Variants in NAALADL2 observed in about 807,000 individuals in gnomAD.
NAALADL2 encodes the protein inactive N-acetylated-alpha-linked acidic dipeptidase-like protein 2.
A neutral mutation model predicts 87.2 loss-of-function variants in NAALADL2; 76 were observed. The ratio of observed to expected loss-of-function variants is 0.87; its 90% CI spans 0.72 to 1.05. NAALADL2 has a LOEUF of 1.05. Among genes scored for constraint, NAALADL2 ranks in the 50% least tolerant of loss-of-function variants. NAALADL2 has a pLI of 0.00. For synonymous variants in NAALADL2, 354 were observed against 331.0 expected (o/e 1.07, Z -0.75); for missense variants, 1,089 against 945.8 (o/e 1.15, Z -1.99).
intron 2 of NAALADL2, among the ~76,000 whole-genome samples, chr3:175,216,776 C>T (rs552562616): frequency 1.1e-4 from 15 of 140,638 alleles, no homozygotes; most frequent in African/African-American, 4.1e-4. Context: ...TCAAACAATT[C>T]TCCTGCCTCA....
intron 2 of NAALADL2, among the ~76,000 whole-genome samples, chr3:175,140,723 A>G (rs891952620): frequency 2.0e-5 from 3 of 152,160 alleles, no homozygotes; most frequent in Admixed American, 1.3e-4. Flanking sequence ...GGTCCTCGCT[A>G]CAAAAGGGAA....
intron 2 of NAALADL2, among the ~76,000 whole-genome samples, chr3:175,115,526 C>G (rs1332213429): frequency 6.6e-6 from 1 of 151,494 alleles, no homozygotes; most frequent in South Asian, 2.1e-4. Flanking sequence ...TACTTTCTTA[C>G]CCAATTTACA....
chr3:174,887,394 T>C (rs1730300213), intron 1 of NAALADL2, among the ~76,000 whole-genome samples: 1 of 152,212 alleles, frequency 6.6e-6, no homozygotes, highest in Non-Finnish European at 1.5e-5. Context: ...ATCAATTATA[T>C]ATGTTCTGTT....
intron 1 of NAALADL2, among the ~76,000 whole-genome samples, chr3:174,975,630 A>G (rs1744262048): frequency 6.6e-6 from 1 of 152,178 alleles, no homozygotes. Flanking sequence ...ATTATTGTGT[A>G]TAACAAATGG....
intron 13 of NAALADL2, among the ~76,000 whole-genome samples, chr3:175,802,502 A>T (rs1242479360): frequency 6.7e-6 from 1 of 148,532 alleles, no homozygotes; most frequent in Admixed American, 6.6e-5. Flanking sequence ...TCTAGCCAGA[A>T]TAGTGAGAGG....
At position 175,044,842 on chromosome 3, in the gene NAALADL2, G is replaced by A. The variant is rs752618550; in HGVS notation, c.44-51948G>A. Among the ~76,000 whole-genome samples the A allele has an allele frequency of 1.1e-4, 17 of 151,674 alleles. No homozygotes were observed. The East Asian group carries it at 1.2e-3, about 10-fold the overall frequency. ...TCAGTTGTTACTGCTTCTTATCACC[G>A]ACATTACTCTCTTTATTATATTTTT... On this transcript the variant is annotated intron_variant, in intron 1 of 13. Transcript: ENST00000454872.
intron 1 of NAALADL2, among the ~76,000 whole-genome samples, chr3:175,026,185 T>C (rs75324646): frequency 6.6e-6 from 1 of 152,158 alleles, no homozygotes; most frequent in Non-Finnish European, 1.5e-5. Context: ...AAGTGCTAGA[T>C]TCTATGGATT....
rs148115407 is a variant in NAALADL2 at position 175,437,764 on chromosome 3, T to A, written c.1091-9465T>A. 1.9e-3 allele frequency among the ~76,000 whole-genome samples: 287 copies of A among 152,196 alleles called. 2 individuals are homozygous for A. The highest frequency in any genetic ancestry group is 5.7e-3 in the African/African-American group (236 of 41,534). On this transcript the variant is annotated intron_variant, in intron 5 of 13. Transcript: ENST00000454872. ...GTACCAAAACAGAGATATAGATCAATGTGTAGTACTTTTTAAAAAGTAAAA... is the reference window on the plus strand; with the variant it reads ...GTACCAAAACAGAGATATAGATCAAAGTGTAGTACTTTTTAAAAAGTAAAA...
At chr3:174,445,210 C>T (rs1001163732) in intron 1 of NAALADL2, among the ~76,000 whole-genome samples, 27 of 151,936 alleles carry the variant, frequency 1.8e-4, no homozygotes, top group African/African-American at 6.5e-4. Context: ...TGATAAATGC[C>T]TTATGAAGAG....
chr3:174,928,723 A>G (rs1560376632), intron 1 of NAALADL2, among the ~76,000 whole-genome samples: 1 of 152,232 alleles, frequency 6.6e-6, no homozygotes, highest in Non-Finnish European at 1.5e-5. Flanking sequence ...GTTAAATTAC[A>G]GTATTCATAG....
intron 1 of NAALADL2, among the ~76,000 whole-genome samples, chr3:174,477,938 A>G (rs1717310149): frequency 6.6e-6 from 1 of 152,196 alleles, no homozygotes; most frequent in African/African-American, 2.4e-5. Flanking sequence ...AAGTTGTTTC[A>G]TAGATTAATG....
At chr3:175,721,761 G>A (rs910775996) in intron 11 of NAALADL2, among the ~76,000 whole-genome samples, 1 of 152,026 alleles carries the variant, frequency 6.6e-6, no homozygotes, top group Non-Finnish European at 1.5e-5. Context: ...TATAATATAA[G>A]AGCTGGGATG....
Position 174,666,084 on chromosome 3 carries a change from A to G in NAALADL2, c.-114-71557A>G, listed in dbSNP as rs554994279. Among the ~76,000 whole-genome samples, 3 of 152,288 alleles carry G rather than the reference A, an allele frequency of 2.0e-5. No individual in the cohort carries two copies. In the South Asian group the frequency reaches 6.2e-4, roughly 32 times the overall value. On this transcript the variant is annotated intron_variant, in intron 2 of 3. Coordinates refer to the NAALADL2 transcript ENST00000434257. Reference sequence around the variant, plus strand: ...AGGTACCTAGGGTTAGGATGTCAACATATCATTTTTTGGGGTATAGTTTAT... The same window carrying G: ...AGGTACCTAGGGTTAGGATGTCAACGTATCATTTTTTGGGGTATAGTTTAT...
chr3:175,437,309 G>T (rs1475679297), intron 5 of NAALADL2, among the ~76,000 whole-genome samples: 4 of 144,568 alleles, frequency 2.8e-5, no homozygotes, highest in Non-Finnish European at 4.5e-5. Flanking sequence ...ACCAACAACA[G>T]ACAAACAGAG....
At chr3:174,597,659 T>C (rs1718047763) in intron 2 of NAALADL2, among the ~76,000 whole-genome samples, 1 of 152,210 alleles carries the variant, frequency 6.6e-6, no homozygotes, top group Non-Finnish European at 1.5e-5. Flanking sequence ...CATCCTTGGC[T>C]TCAAACCCTT....
intron 2 of NAALADL2, among the ~76,000 whole-genome samples, chr3:175,127,512 A>G (rs1727152313): frequency 6.6e-6 from 1 of 152,206 alleles, no homozygotes; most frequent in Admixed American, 6.5e-5. Context: ...TTTTCCAATT[A>G]TGATGTTGAC....
intron 1 of NAALADL2, among the ~76,000 whole-genome samples, chr3:174,871,055 T>C (rs1436647855): frequency 3.3e-5 from 5 of 152,176 alleles, no homozygotes; most frequent in African/African-American, 9.7e-5. Context: ...AGTAAATGGG[T>C]TCTACTAAAT....
At chr3:175,504,608 TCTCTCTCTCTC>T (rs2149377885) in intron 9 of NAALADL2, among the ~76,000 whole-genome samples, 1 of 90,634 alleles carries the variant, frequency 1.1e-5, no homozygotes, top group South Asian at 3.5e-4. Flanking sequence ...TCTCTCTCTC[TCTCTCTCTCTC>T]TCAGACACAG....
At chr3:175,299,753 C>G (rs1291094929) in intron 4 of NAALADL2, among the ~76,000 whole-genome samples, 1 of 152,186 alleles carries the variant, frequency 6.6e-6, no homozygotes, top group African/African-American at 2.4e-5. Context: ...TTGACTTCCT[C>G]TCTTCCTATT....
Sources: gnomAD v4.1 joint callset for allele counts (sites outside exome capture counted in the v4.1 genomes callset) on GRCh38, gnomAD v4.1.1 for gene constraint, MANE v1.5 for transcripts, NCBI Gene and HGNC (gene_info 2026-07-23, HGNC 2026-07-21) for gene names.